Variants in NWD2 observed in about 807,000 individuals in gnomAD.
NWD2 encodes the protein NACHT and WD repeat domain-containing protein 2.
Under a neutral mutation model 132.7 loss-of-function variants are expected in NWD2, and 37 were observed. That is an observed-to-expected ratio of 0.28 (90% CI 0.21 to 0.37). The LOEUF (loss-of-function observed/expected upper bound fraction) is 0.37. Among genes scored for constraint, NWD2 ranks in the 10% least tolerant of loss-of-function variants. The pLI is 1.00. For missense variants in NWD2, 1,592 were observed against 2,122.4 expected, an observed-to-expected ratio of 0.75 and a Z score of 4.91; for synonymous variants, 705 against 803.0, an observed-to-expected ratio of 0.88 and a Z score of 2.06.
intron 1 of NWD2, among the ~76,000 whole-genome samples, chr4:37,318,427 T>C (rs1719002426): frequency 1.3e-5 from 2 of 152,188 alleles, no homozygotes; most frequent in Admixed American, 6.5e-5. Context: ...AAAAAAGGTA[T>C]TTTTTAAAAT....
At chr4:37,424,599 G>C (rs1350911680) in intron 3 of NWD2, among the ~76,000 whole-genome samples, 2 of 152,220 alleles carry the variant, frequency 1.3e-5, no homozygotes, top group African/African-American at 4.8e-5. Flanking sequence ...CATTTAAAGA[G>C]TATATGCTTC....
intron 1 of NWD2, among the ~76,000 whole-genome samples, chr4:37,269,552 A>G (rs530725952): frequency 6.6e-6 from 1 of 151,940 alleles, no homozygotes; most frequent in South Asian, 2.1e-4. Flanking sequence ...GATTTCTCTC[A>G]CCGTTGATAG....
chr4:37,304,018 G>T (rs1342359872), intron 1 of NWD2, among the ~76,000 whole-genome samples: 2 of 152,130 alleles, frequency 1.3e-5, no homozygotes, highest in Non-Finnish European at 1.5e-5. Context: ...GTCTGTTCTT[G>T]CATTGCTGTA....
intron 1 of NWD2, among the ~76,000 whole-genome samples, chr4:37,276,280 G>T (rs1012713422): frequency 6.6e-6 from 1 of 151,962 alleles, no homozygotes; most frequent in Non-Finnish European, 1.5e-5. Flanking sequence ...CCATCAAAAA[G>T]TGGGCAAAGG....
chr4:37,380,815 G>A (rs1720436954), intron 3 of NWD2, among the ~76,000 whole-genome samples: 1 of 152,140 alleles, frequency 6.6e-6, no homozygotes, highest in African/African-American at 2.4e-5. Flanking sequence ...GAATTCGGAG[G>A]CTTCATCCAC....
rs1428225819 is a variant in NWD2, at chr4:37,449,217, A to G, written c.*2000A>G. 1 of 152,260 alleles carries G rather than the reference A, an allele frequency of 6.6e-6. No homozygotes were observed. The highest frequency in any genetic ancestry group is 1.5e-5 in the Non-Finnish European group (1 of 68,042). 9.4% of individuals were successfully genotyped at this position (152,260 alleles called of 1,614,324 possible). ...ATGTGAATGTTCTATGTAAAAGCCAATAGAGTATACAAGTGACTTGAATGA... is the reference window on the plus strand; with the variant it reads ...ATGTGAATGTTCTATGTAAAAGCCAGTAGAGTATACAAGTGACTTGAATGA... On this transcript the variant is annotated 3_prime_UTR_variant, in exon 7 of 7. Transcript: ENST00000309447.
intron 1 of NWD2, among the ~76,000 whole-genome samples, chr4:37,248,448 A>G (rs1717288257): frequency 6.6e-6 from 1 of 152,182 alleles, no homozygotes; most frequent in African/African-American, 2.4e-5. Flanking sequence ...GGGGGAGGTG[A>G]TAGCATTATC....
At chr4:37,265,889 A>G (rs1717739961) in intron 1 of NWD2, among the ~76,000 whole-genome samples, 1 of 152,006 alleles carries the variant, frequency 6.6e-6, no homozygotes, top group South Asian at 2.1e-4. Context: ...TGGGCTGTGC[A>G]CATCTTTCAG....
At chr4:37,358,139 A>G (rs1719907334) in intron 3 of NWD2, among the ~76,000 whole-genome samples, 1 of 152,190 alleles carries the variant, frequency 6.6e-6, no homozygotes, top group South Asian at 2.1e-4. Context: ...AGGTAATTTC[A>G]GTAAGACAAT....
chr4:37,392,567 A>G (rs757416640), intron 3 of NWD2, among the ~76,000 whole-genome samples: 4 of 152,102 alleles, frequency 2.6e-5, no homozygotes, highest in East Asian at 1.9e-4. Flanking sequence ...TTCTCCTCCA[A>G]CCTCTATTGA....
At chr4:37,358,749 C>T (rs1403447736) in intron 3 of NWD2, among the ~76,000 whole-genome samples, 1 of 152,072 alleles carries the variant, frequency 6.6e-6, no homozygotes, top group East Asian at 1.9e-4. Context: ...CATAGTAATC[C>T]ATTAAAAAGT....
intron 1 of NWD2, among the ~76,000 whole-genome samples, chr4:37,289,215 T>C (rs576988833): frequency 4.6e-5 from 7 of 152,318 alleles, no homozygotes; most frequent in Admixed American, 1.3e-4. Flanking sequence ...GGTTGTAGTA[T>C]TCAAATTTTA....
rs1194535317 is a variant in NWD2 at position 37,445,389 on chromosome 4, G to A, written c.3401G>A (p.Cys1134Tyr). The A allele has an allele frequency of 1.9e-6, 3 of 1,552,012 alleles. No homozygotes were observed. The highest frequency in any genetic ancestry group is 2.4e-5 in the South Asian group (2 of 84,068). ...IFHLGSGEKL[C>Y]TVTSEFSGGF... ...CATTTAGGGAGTGGAGAAAAGTTAT[G>A]TACAGTGACATCAGAATTTTCAGGT... The change falls in exon 7 of 7, where the codon TGT (cysteine) becomes TAT (tyrosine). Residue 1134 changes from cysteine to tyrosine, a missense_variant. Physicochemically the swap from Cys to Tyr is radical, Grantham distance 194. This residue lies in a region of NWD2 where 1,071 missense variants were observed against 1,398.0 expected (regional missense o/e 0.77). Transcript: ENST00000309447. This position sits in a 1 kb window ranked among gnomAD's most constrained non-coding sequence, Gnocchi z 4.7.
intron 1 of NWD2, among the ~76,000 whole-genome samples, chr4:37,248,481 G>A (rs999764669): frequency 1.3e-5 from 2 of 152,196 alleles, no homozygotes; most frequent in South Asian, 4.1e-4. Context: ...AAGTGGATGG[G>A]CCTTGGACTT....
intron 3 of NWD2, among the ~76,000 whole-genome samples, chr4:37,395,146 GC>G (rs1222707819): frequency 6.6e-6 from 1 of 151,838 alleles, no homozygotes; most frequent in East Asian, 1.9e-4. Flanking sequence ...CCTCCTCCTA[GC>G]CCTCAGTTGA....
intron 1 of NWD2, among the ~76,000 whole-genome samples, chr4:37,253,943 A>T (rs1422326526): frequency 2.0e-5 from 3 of 152,186 alleles, no homozygotes; most frequent in African/African-American, 7.2e-5. Flanking sequence ...GCAAACTAAC[A>T]CAGTAACAGA....
chr4:37,434,827 A>T (rs1712274484), intron 5 of NWD2, among the ~76,000 whole-genome samples: 2 of 147,740 alleles, frequency 1.4e-5, no homozygotes, highest in African/African-American at 5.0e-5. Context: ...AGAGATGAGG[A>T]TAGAAGTTGG....
At chr4:37,287,598 C>T (rs1718262144) in intron 1 of NWD2, among the ~76,000 whole-genome samples, 1 of 152,200 alleles carries the variant, frequency 6.6e-6, no homozygotes, top group South Asian at 2.1e-4. Context: ...CCTGCAAGAA[C>T]TCCAACAACT....
chr4:37,268,495 A>G (rs776437372), intron 1 of NWD2, among the ~76,000 whole-genome samples: 1 of 151,920 alleles, frequency 6.6e-6, no homozygotes, highest in Non-Finnish European at 1.5e-5. Flanking sequence ...TGTTGTATTC[A>G]TCTATGGGTT....
Sources: gnomAD v4.1 joint callset for allele counts (sites outside exome capture counted in the v4.1 genomes callset) on GRCh38, gnomAD v4.1.1 for gene constraint, gnomAD v4.1.1 regional missense constraint, Gnocchi (gnomAD v3.1) non-coding constraint, MANE v1.5 for transcripts, NCBI Gene and HGNC (gene_info 2026-07-23, HGNC 2026-07-21) for gene names.